PARD3B: variants seen among roughly 807,000 people sequenced by gnomAD.
PARD3B encodes the protein partitioning defective 3 homolog B.
In PARD3B, 103 loss-of-function variants were observed where a neutral mutation model predicts 130.2. That is an observed-to-expected ratio of 0.79 (90% CI 0.67 to 0.93). The LOEUF is 0.93. Among genes scored for constraint, PARD3B ranks in the 40% least tolerant of loss-of-function variants. The pLI, the probability that PARD3B is intolerant of heterozygous loss-of-function variation, is 0.00. For synonymous variants in PARD3B, 583 were observed against 553.2 expected (o/e 1.05, Z -0.76); for missense variants, 1,609 against 1,499.2 (o/e 1.07, Z -1.21).
At chr2:205,129,172 T>C (rs1341018092) in intron 10 of PARD3B, among the ~76,000 whole-genome samples, 1 of 152,258 alleles carries the variant, frequency 6.6e-6, no homozygotes, top group Non-Finnish European at 1.5e-5. Flanking sequence ...TGTGGAATTT[T>C]CTTTGTCACC....
intron 20 of PARD3B, among the ~76,000 whole-genome samples, chr2:205,442,290 C>CTTTTTTTTTTT (rs71410814): frequency 1.9e-5 from 2 of 105,994 alleles, no homozygotes; most frequent in African/African-American, 8.5e-5. Flanking sequence ...ACAGGTTTTC[C>CTTTTTTTTTTT]TTTTTTTTTT....
At chr2:205,008,655 C>CT in intron 3 of PARD3B, among the ~76,000 whole-genome samples, 1 of 152,002 alleles carries the variant, frequency 6.6e-6, no homozygotes, top group East Asian at 1.9e-4. Flanking sequence ...AGATAGAAAA[C>CT]CTAAGAATCT....
rs2040856946 is a variant in PARD3B, at chr2:205,274,374, A to T, written c.2186-26156A>T. ...TCATTCCTGATGTATAAAGGAAAAT[A>T]TTCCATTCCTTAAGTGCTTTTAGTA... On this transcript the variant is annotated intron_variant, in intron 16 of 22. Coordinates refer to ENST00000406610, the MANE Select transcript of PARD3B (RefSeq NM_001302769.2). This position sits in a 1 kb window ranked among gnomAD's most constrained non-coding sequence, Gnocchi z 4.2. 6.6e-6 allele frequency among the ~76,000 whole-genome samples: 1 copy of T among 152,166 alleles called. No homozygotes were observed. The highest frequency in any genetic ancestry group is 6.5e-5 in the Admixed American group (1 of 15,270).
At chr2:204,878,966 A>C (rs1471154635) in intron 2 of PARD3B, among the ~76,000 whole-genome samples, 1 of 152,126 alleles carries the variant, frequency 6.6e-6, no homozygotes, top group Non-Finnish European at 1.5e-5. Context: ...AAAGTTCAGT[A>C]CTTAAAGCAG....
chr2:205,557,530 T>C (rs1432940294), intron 22 of PARD3B, among the ~76,000 whole-genome samples: 1 of 152,152 alleles, frequency 6.6e-6, no homozygotes, highest in East Asian at 1.9e-4. Flanking sequence ...GAGCTCGGAG[T>C]CAGGCCATGA....
chr2:205,429,603 A>G (rs1323080513), intron 19 of PARD3B, among the ~76,000 whole-genome samples: 1 of 152,224 alleles, frequency 6.6e-6, no homozygotes, highest in African/African-American at 2.4e-5. Context: ...TGGAGAAGAC[A>G]GAGATGAAAG....
chr2:204,885,643 A>T (rs939272468), intron 2 of PARD3B, among the ~76,000 whole-genome samples: 8 of 152,356 alleles, frequency 5.3e-5, no homozygotes, highest in Non-Finnish European at 1.2e-4. Context: ...TGTGCTTATT[A>T]TACTTAGATA....
rs1196606857 is a variant in PARD3B at position 204,890,784 on chromosome 2, C to T, written c.223-74368C>T. On this transcript the variant is annotated intron_variant, in intron 2 of 22. Coordinates refer to ENST00000406610, the MANE Select transcript of PARD3B (RefSeq NM_001302769.2). The surrounding 1 kb of genome is among the most constrained non-coding windows in gnomAD (Gnocchi z 4.9). The stretch of plus-strand genomic sequence containing the variant: ...GCCTCCCATCCTGTGTTCCCTCACT[C>T]ATTTTTATTAAGTGATAGCACGTTT... Among the ~76,000 whole-genome samples, 2 of 152,198 alleles carry T rather than the reference C, an allele frequency of 1.3e-5. No homozygotes were observed. The highest frequency in any genetic ancestry group is 1.5e-5 in the Non-Finnish European group (1 of 68,022).
chr2:204,950,008 A>T (rs1264430549), intron 2 of PARD3B, among the ~76,000 whole-genome samples: 1 of 152,222 alleles, frequency 6.6e-6, no homozygotes, highest in Non-Finnish European at 1.5e-5. Context: ...ATCAATAATG[A>T]TAGTGATGAT....
At chr2:204,693,353 A>G (rs2037443325) in intron 2 of PARD3B, among the ~76,000 whole-genome samples, 2 of 151,954 alleles carry the variant, frequency 1.3e-5, no homozygotes, top group African/African-American at 4.8e-5. Flanking sequence ...TGTGCCTCGT[A>G]TGTAGGCAGA....
In PARD3B at chr2:205,525,704, G is replaced by C. The variant is rs945004794; in HGVS notation, c.3180+25673G>C. 6.6e-6 allele frequency among the ~76,000 whole-genome samples: 1 copy of C among 152,042 alleles called. No individual in the cohort carries two copies. Among genetic ancestry groups the C allele is most frequent in the Admixed American group, 6.6e-5 (1 of 15,248 alleles). On this transcript the variant is annotated intron_variant, in intron 21 of 22. Transcript: ENST00000406610. The surrounding 1 kb of genome is among the most constrained non-coding windows in gnomAD (Gnocchi z 4.2). ...CACATGAGACCCAGCATTATCGAAGGCTTATCCTTTCTCACACTGAACTAA... is the reference window on the plus strand; with the variant it reads ...CACATGAGACCCAGCATTATCGAAGCCTTATCCTTTCTCACACTGAACTAA...
chr2:205,232,491 A>G (rs979789877), intron 15 of PARD3B, among the ~76,000 whole-genome samples: 3 of 152,204 alleles, frequency 2.0e-5, no homozygotes, highest in Admixed American at 6.5e-5. Context: ...TATATGACAC[A>G]AAAAGGTAAA....
chr2:205,448,706 C>T (rs1332442182), intron 20 of PARD3B, among the ~76,000 whole-genome samples: 1 of 152,060 alleles, frequency 6.6e-6, no homozygotes, highest in African/African-American at 2.4e-5. Flanking sequence ...ACTCATCACT[C>T]GAGACCTCCA....
intron 1 of PARD3B, among the ~76,000 whole-genome samples, chr2:204,580,687 G>A (rs2125080467): frequency 6.6e-6 from 1 of 152,228 alleles, no homozygotes; most frequent in East Asian, 1.9e-4. Flanking sequence ...TTAAAAATGT[G>A]CTATATAAGT....
chr2:205,461,567 A>G lies in PARD3B; in HGVS notation c.3044+20895A>G, dbSNP rs933459956. Among the ~76,000 whole-genome samples the G allele has an allele frequency of 6.6e-6, 1 of 152,196 alleles. No homozygotes were observed. Among genetic ancestry groups the G allele is most frequent in the Non-Finnish European group, 1.5e-5 (1 of 68,024 alleles). Reference sequence around the variant, plus strand: ...TCCCAGAGACCTAACCTATTTCCCTATCACTTATTTTCAGGGCTATGAGGT... The same window carrying G: ...TCCCAGAGACCTAACCTATTTCCCTGTCACTTATTTTCAGGGCTATGAGGT... On this transcript the variant is annotated intron_variant, in intron 20 of 22. Transcript: ENST00000406610. This position sits in a 1 kb window ranked among gnomAD's most constrained non-coding sequence, Gnocchi z 4.3.
rs575141105 is a variant in PARD3B at position 204,873,772 on chromosome 2, A to C, written c.223-91380A>C. On this transcript the variant is annotated intron_variant, in intron 2 of 22. Transcript: ENST00000406610. Reference sequence around the variant, plus strand: ...GTAATGATTCTAGCTGCAAATAAGAAAACAAAAATATAGTAGGCATCTGGC... The same window carrying C: ...GTAATGATTCTAGCTGCAAATAAGACAACAAAAATATAGTAGGCATCTGGC... Among the ~76,000 whole-genome samples the C allele has an allele frequency of 4.6e-5, 7 of 152,308 alleles. No homozygotes were observed. The East Asian group carries it at 9.6e-4, about 21-fold the overall frequency.
intron 14 of PARD3B, among the ~76,000 whole-genome samples, chr2:205,186,295 G>A (rs1385029041): frequency 6.6e-6 from 1 of 151,974 alleles, no homozygotes; most frequent in African/African-American, 2.4e-5. Flanking sequence ...AAAAATTAAA[G>A]CAACACCATA....
Position 205,327,739 on chromosome 2 carries a change from T to C in PARD3B, c.2630+26038T>C, listed in dbSNP as rs192170887. 1.6e-3 allele frequency among the ~76,000 whole-genome samples: 250 copies of C among 152,330 alleles called. 3 individuals are homozygous for C. The highest frequency in any genetic ancestry group is 1.9e-4 in the East Asian group (1 of 5,186). ...AAAGAGAGGAATAAGCTCCACCTCATAGAATTGTGGTGAGAATTAAATAAT... is the reference window on the plus strand; with the variant it reads ...AAAGAGAGGAATAAGCTCCACCTCACAGAATTGTGGTGAGAATTAAATAAT... On this transcript the variant is annotated intron_variant, in intron 18 of 22. Coordinates refer to ENST00000406610, the MANE Select transcript of PARD3B (RefSeq NM_001302769.2).
At chr2:204,674,298 A>G (rs542771223) in intron 1 of PARD3B, among the ~76,000 whole-genome samples, 5 of 152,248 alleles carry the variant, frequency 3.3e-5, no homozygotes, top group Admixed American at 3.3e-4. Context: ...TGAGTAGGGG[A>G]TACTTGAGGT....
Sources: allele counts gnomAD v4.1 joint callset (sites outside exome capture counted in the v4.1 genomes callset), GRCh38; gene constraint gnomAD v4.1.1; non-coding constraint Gnocchi (gnomAD v3.1); transcripts MANE v1.5; gene names NCBI Gene and HGNC (gene_info 2026-07-23, HGNC 2026-07-21).